Variants in PKHD1L1 observed in about 807,000 individuals in gnomAD.
PKHD1L1 encodes PKHD1 like 1.
Under a neutral mutation model 462.9 loss-of-function variants are expected in PKHD1L1, and 434 were observed. The observed-to-expected ratio is 0.94, with a 90% CI of 0.87 to 1.02. The LOEUF is 1.02. Ranked by LOEUF, PKHD1L1 falls within the 50% of genes least tolerant of loss-of-function variation. The pLI is 0.00. For synonymous variants in PKHD1L1, 1,781 were observed against 1,750.0 expected (o/e 1.02, Z -0.44); for missense variants, 5,202 against 5,096.1 (o/e 1.02, Z -0.63).
chr8:109,413,037 G>A (rs577458324), intron 20 of PKHD1L1, among the ~76,000 whole-genome samples: 36 of 152,028 alleles, frequency 2.4e-4, no homozygotes, highest in Admixed American at 1.4e-3. Flanking sequence ...TGATATTTAC[G>A]TCCCATTTAA....
At chr8:109,456,902 G>T (rs1455771916) in intron 46 of PKHD1L1, among the ~76,000 whole-genome samples, 2 of 152,024 alleles carry the variant, frequency 1.3e-5, no homozygotes, top group African/African-American at 4.8e-5. Flanking sequence ...TAAAAGAGAA[G>T]AAATAATTAT....
At chr8:109,425,786 A>G (rs1475994884) in intron 24 of PKHD1L1, among the ~76,000 whole-genome samples, 3 of 152,156 alleles carry the variant, frequency 2.0e-5, no homozygotes, top group Non-Finnish European at 2.9e-5. Context: ...GTGCTATTCA[A>G]TATGGTAGCC....
At chr8:109,362,765 G>A in intron 1 of PKHD1L1, 112 bp downstream of exon 1, 2 of 1,204,458 alleles carry the variant, frequency 1.7e-6, no homozygotes, top group South Asian at 1.3e-5. Context: ...CTGAGGCTGT[G>A]GGTGCGGTTG....
chr8:109,421,302 A>T (rs552123444), intron 23 of PKHD1L1, among the ~76,000 whole-genome samples: 2 of 152,106 alleles, frequency 1.3e-5, no homozygotes, highest in African/African-American at 4.8e-5. Flanking sequence ...AACCATTGTA[A>T]TTGGATTAGA....
rs1482173199 is a variant in PKHD1L1, at chr8:109,530,743, G to A, written c.*653G>A. ...TCCTTGGAATGAACTTTTGGAACAA[G>A]TCCAAACTCCTTCTCTGCCTACCCC... On this transcript the variant is annotated 3_prime_UTR_variant, in exon 78 of 78. Transcript: ENST00000378402. 6.6e-6 allele frequency among the ~76,000 whole-genome samples: 1 copy of A among 152,056 alleles called. No homozygotes were observed. Among genetic ancestry groups the A allele is most frequent in the African/African-American group, 2.4e-5 (1 of 41,402 alleles).
chr8:109,497,044 T>C lies in PKHD1L1; in HGVS notation c.10453T>C (p.Trp3485Arg), dbSNP rs765235468. The change falls in exon 64 of 78, where the codon TGG (tryptophan) becomes CGG (arginine). Residue 3485 changes from tryptophan (W) to arginine (R), a missense_variant. Trp to Arg is a moderately radical substitution (Grantham distance 101). Around this residue, in one of 3 missense-constraint regions of PKHD1L1, gnomAD observed 4,497 missense variants for 4,336.8 expected, o/e 1.04. Transcript: ENST00000378402. ...LIQGFTIWTC[W>R]DYGIYFQTTE... ...ACAAGGATTTACCATTTGGACATGC[T>C]GGGATTATGGAATTTATTTTCAGGT... 6.2e-7 allele frequency: 1 copy of C among 1,613,384 alleles called. No homozygotes were observed. The highest frequency in any genetic ancestry group is 8.5e-7 in the Non-Finnish European group (1 of 1,179,610).
intron 59 of PKHD1L1, among the ~76,000 whole-genome samples, chr8:109,487,292 C>T (rs938349411): frequency 3.9e-5 from 6 of 151,922 alleles, no homozygotes; most frequent in South Asian, 2.1e-4. Context: ...GAAGTAATCA[C>T]GTATTATATC....
chr8:109,522,984 C>A, intron 75 of PKHD1L1, 94 bp downstream of exon 75: 1 of 1,306,836 alleles, frequency 7.7e-7, no homozygotes, highest in Non-Finnish European at 1.0e-6. Flanking sequence ...GTGCTGGCAG[C>A]CTGAGGATCA....
At chr8:109,440,084 T>G (rs1026432082) in intron 32 of PKHD1L1, among the ~76,000 whole-genome samples, 6 of 152,068 alleles carry the variant, frequency 3.9e-5, no homozygotes, top group Non-Finnish European at 7.4e-5. Context: ...ACACAATGAT[T>G]CACGTGATTT....
chr8:109,464,739 G>A lies in PKHD1L1; in HGVS notation c.7907G>A (p.Gly2636Glu). Reference protein sequence around the residue: ...IFEEYFPMQTGSCTSTVPAPA... With the variant: ...IFEEYFPMQTESCTSTVPAPA... ...GAGGAATATTTCCCCATGCAAACGG[G>A]ATCTTGTACATCTACAGTGCCTGCA... is the stretch of plus-strand genomic sequence containing the variant. Residue 2636 changes from glycine to glutamate, a missense_variant, in exon 49 of 78, where the codon GGA becomes GAA. By Grantham distance (98) the Gly-to-Glu change is moderately conservative. Transcript: ENST00000378402. 8.1e-6 allele frequency: 13 copies of A among 1,613,808 alleles called. No homozygotes were observed. The highest frequency in any genetic ancestry group is 1.1e-5 in the Non-Finnish European group (13 of 1,179,802).
chr8:109,498,841 A>C, intron 67 of PKHD1L1, 70 bp downstream of exon 67: 1 of 1,282,384 alleles, frequency 7.8e-7, no homozygotes, highest in Non-Finnish European at 1.1e-6. Flanking sequence ...ATAACTAATA[A>C]TGTTTCATTG....
chr8:109,383,939 A>C, intron 4 of PKHD1L1, 131 bp from the exon 5 acceptor site: 1 of 710,640 alleles, frequency 1.4e-6, no homozygotes, highest in Non-Finnish European at 2.5e-6. Flanking sequence ...TCTTATTTAA[A>C]TATCTTCTTT....
intron 4 of PKHD1L1, among the ~76,000 whole-genome samples, chr8:109,383,417 TATATATA>T (rs1168063779): frequency 8.3e-5 from 10 of 120,768 alleles, no homozygotes; most frequent in Admixed American, 4.5e-4. Context: ...AATTATATAT[TATATATA>T]ATATATAATA....
At chr8:109,423,315 G>A (rs2130656651) in intron 23 of PKHD1L1, among the ~76,000 whole-genome samples, 1 of 152,190 alleles carries the variant, frequency 6.6e-6, no homozygotes, top group South Asian at 2.1e-4. Context: ...TTACATGTAA[G>A]ATGTGATTTT....
chr8:109,379,132 G>A (rs887714048), intron 2 of PKHD1L1, among the ~76,000 whole-genome samples: 1 of 152,142 alleles, frequency 6.6e-6, no homozygotes, highest in Non-Finnish European at 1.5e-5. Context: ...GAACTGCCAA[G>A]AGCAGAGACC....
At chr8:109,489,379 G>A (rs1317232234) in intron 59 of PKHD1L1, among the ~76,000 whole-genome samples, 2 of 151,950 alleles carry the variant, frequency 1.3e-5, no homozygotes, top group East Asian at 3.9e-4. Flanking sequence ...ACTTGACAAA[G>A]AGCAATCTCT....
At chr8:109,440,274 G>GGAA (rs1815700760) in intron 32 of PKHD1L1, among the ~76,000 whole-genome samples, 1 of 151,882 alleles carries the variant, frequency 6.6e-6, no homozygotes, top group Non-Finnish European at 1.5e-5. Context: ...CAACAAACGT[G>GGAA]GAATAATAAC....
In PKHD1L1 at chr8:109,454,322, GAT is replaced by G. The variant is rs1248255550; in HGVS notation, c.6744+78_6744+79del. ...TTTTTTAAATACTATGTGTAAAATGGATAGTTAATTATATCAACCTCTCCTAA... is the reference window on the plus strand; with the variant it reads ...TTTTTTAAATACTATGTGTAAAATGGAGTTAATTATATCAACCTCTCCTAA... On this transcript the variant is annotated intron_variant, in intron 44 of 77. Coordinates refer to ENST00000378402, the MANE Select transcript of PKHD1L1 (RefSeq NM_177531.6). The G allele has an allele frequency of 4.1e-6, 4 of 975,928 alleles. No individual in the cohort carries two copies. In the Admixed American group the frequency reaches 7.7e-5, roughly 19 times the overall value. The allele number at this position is 975,928 out of a possible 1,614,324, so 60.5% of individuals were successfully genotyped here. A position where few individuals can be genotyped will look rare whatever the true frequency, so the allele number is the denominator to read the frequency against.
intron 52 of PKHD1L1, 25 bp downstream of exon 52, chr8:109,476,692 T>C: frequency 6.4e-7 from 1 of 1,562,262 alleles, no homozygotes; most frequent in Non-Finnish European, 8.7e-7. Context: ...GCAGAAATGA[T>C]AGTTTATCTA....
Sources: gnomAD v4.1 joint callset for allele counts (sites outside exome capture counted in the v4.1 genomes callset) on GRCh38, gnomAD v4.1.1 for gene constraint, gnomAD v4.1.1 regional missense constraint, MANE v1.5 for transcripts, NCBI Gene and HGNC (gene_info 2026-07-23, HGNC 2026-07-21) for gene names.